HS6ST3: variants seen among roughly 807,000 people sequenced by gnomAD.
The protein encoded by HS6ST3 is heparan-sulfate 6-O-sulfotransferase 3.
A neutral mutation model predicts 36.7 loss-of-function variants in HS6ST3; 12 were observed. The observed-to-expected ratio is 0.33, with a 90% CI of 0.21 to 0.53. HS6ST3 has a LOEUF of 0.53. Ranked by LOEUF, HS6ST3 falls within the 20% of genes least tolerant of loss-of-function variation. HS6ST3 has a pLI of 0.95. For synonymous variants in HS6ST3, 240 were observed against 257.5 expected (o/e 0.93, Z 0.65); for missense variants, 584 against 640.9 (o/e 0.91, Z 0.96).
chr13:96,328,966 C>A (rs1323750957), intron 1 of HS6ST3, among the ~76,000 whole-genome samples: 4 of 150,310 alleles, frequency 2.7e-5, no homozygotes, highest in African/African-American at 9.8e-5. Context: ...AGTTTATTTG[C>A]GTAGAGGTGT....
At chr13:96,233,838 G>A (rs1472246509) in intron 1 of HS6ST3, among the ~76,000 whole-genome samples, 1 of 151,980 alleles carries the variant, frequency 6.6e-6, no homozygotes, top group East Asian at 1.9e-4. Context: ...TTTATAGAAG[G>A]AATTTAAATA....
intron 1 of HS6ST3, among the ~76,000 whole-genome samples, chr13:96,244,264 A>G (rs537812727): frequency 3.6e-4 from 55 of 152,322 alleles, no homozygotes; most frequent in Admixed American, 7.2e-4. Context: ...AACTGAGATT[A>G]GATAATCTCA....
rs143157705 is a variant in HS6ST3 at position 96,433,769 on chromosome 13, T to A, written c.707+342200T>A. The stretch of plus-strand genomic sequence containing the variant: ...GGCCAACATGGTGAAACCCCATCTT[T>A]ACTAAAAATACAAAAATTAGCCAGG... On this transcript the variant is annotated intron_variant, in intron 1 of 1. Coordinates refer to ENST00000376705, the MANE Select transcript of HS6ST3 (RefSeq NM_153456.4). 4.5e-4 allele frequency among the ~76,000 whole-genome samples: 68 copies of A among 152,162 alleles called. 1 individual carries two copies. The East Asian group carries it at 0.012, about 26-fold the overall frequency.
intron 1 of HS6ST3, among the ~76,000 whole-genome samples, chr13:96,112,588 T>TATATAC (rs1566884919): frequency 1.4e-4 from 8 of 55,630 alleles, no homozygotes; most frequent in African/African-American, 4.8e-4. Context: ...AATATATATA[T>TATATAC]ATATATATAT....
intron 1 of HS6ST3, among the ~76,000 whole-genome samples, chr13:96,706,413 T>TTTTATATATATATATATA (rs5805987): frequency 1.7e-5 from 2 of 121,028 alleles, no homozygotes; most frequent in African/African-American, 7.1e-5. Flanking sequence ...AGAATATATT[T>TTTTATATATATATATATA]TATATATATA....
intron 1 of HS6ST3, among the ~76,000 whole-genome samples, chr13:96,689,972 C>T (rs970171877): frequency 2.0e-5 from 3 of 152,032 alleles, no homozygotes; most frequent in Non-Finnish European, 4.4e-5. Flanking sequence ...GAAGGCACTA[C>T]GTGTCCTTTA....
intron 1 of HS6ST3, among the ~76,000 whole-genome samples, chr13:96,268,460 A>G (rs1208004015): frequency 6.6e-6 from 1 of 151,830 alleles, no homozygotes; most frequent in Non-Finnish European, 1.5e-5. Context: ...GGAGGTAATC[A>G]ACCCCCATCA....
chr13:96,742,995 G>A (rs1192886222), intron 1 of HS6ST3, among the ~76,000 whole-genome samples: 5 of 152,186 alleles, frequency 3.3e-5, no homozygotes, highest in African/African-American at 9.6e-5. Context: ...CTCTGGAAGA[G>A]GAGAGTGTCC....
chr13:96,536,337 T>A (rs1235140983), intron 1 of HS6ST3, among the ~76,000 whole-genome samples: 1 of 152,230 alleles, frequency 6.6e-6, no homozygotes, highest in Admixed American at 6.5e-5. Flanking sequence ...ACTAATTATA[T>A]TTATTTGATA....
chr13:96,769,795 T>C (rs1029138027), intron 1 of HS6ST3, among the ~76,000 whole-genome samples: 3 of 151,274 alleles, frequency 2.0e-5, no homozygotes, highest in Admixed American at 2.0e-4. Flanking sequence ...TATTCTAGTT[T>C]TGCTATGAGG....
intron 1 of HS6ST3, among the ~76,000 whole-genome samples, chr13:96,630,515 C>T (rs1217193105): frequency 1.3e-5 from 2 of 152,176 alleles, no homozygotes; most frequent in African/African-American, 2.4e-5. Flanking sequence ...CCTCACTCGC[C>T]TTTCCTGCAG....
chr13:96,439,995 C>G (rs995856631), intron 1 of HS6ST3, among the ~76,000 whole-genome samples: 1 of 152,148 alleles, frequency 6.6e-6, no homozygotes, highest in Non-Finnish European at 1.5e-5. Context: ...TTCTAAAAGG[C>G]CTGGGGCTTA....
At chr13:96,350,238 C>A (rs548989125) in intron 1 of HS6ST3, among the ~76,000 whole-genome samples, 1 of 152,338 alleles carries the variant, frequency 6.6e-6, no homozygotes, top group African/African-American at 2.4e-5. Flanking sequence ...TCATCATGCT[C>A]ACAACAGATG....
At chr13:96,555,450 A>C (rs575386826) in intron 1 of HS6ST3, among the ~76,000 whole-genome samples, 1 of 152,174 alleles carries the variant, frequency 6.6e-6, no homozygotes, top group Non-Finnish European at 1.5e-5. Context: ...CAAGTTAAAT[A>C]TGATATTTTT....
intron 1 of HS6ST3, among the ~76,000 whole-genome samples, chr13:96,829,937 A>G (rs923465302): frequency 6.6e-6 from 1 of 152,306 alleles, no homozygotes; most frequent in South Asian, 2.1e-4. Flanking sequence ...TGATTTAAAT[A>G]TACAGGAAGT....
At chr13:96,585,296 C>A (rs2056356744) in intron 1 of HS6ST3, among the ~76,000 whole-genome samples, 1 of 151,960 alleles carries the variant, frequency 6.6e-6, no homozygotes, top group Non-Finnish European at 1.5e-5. Context: ...GTCTGTCATA[C>A]CTGCTACGAA....
chr13:96,713,732 T>C (rs1875625596), intron 1 of HS6ST3, among the ~76,000 whole-genome samples: 1 of 152,108 alleles, frequency 6.6e-6, no homozygotes. Flanking sequence ...AAAAGAGAAA[T>C]AAGTTCTTTA....
At chr13:96,609,119 G>A (rs1407327203) in intron 1 of HS6ST3, among the ~76,000 whole-genome samples, 1 of 141,126 alleles carries the variant, frequency 7.1e-6, no homozygotes, top group East Asian at 1.9e-4. Context: ...ATAGGCGCCC[G>A]CCACCACGCC....
At chr13:96,373,760 A>C (rs565897015) in intron 1 of HS6ST3, among the ~76,000 whole-genome samples, 2 of 152,272 alleles carry the variant, frequency 1.3e-5, no homozygotes, top group East Asian at 3.9e-4. Context: ...CATCAATTTG[A>C]TTGAAATAAG....
Sources: gnomAD v4.1 joint callset for allele counts (sites outside exome capture counted in the v4.1 genomes callset) on GRCh38, gnomAD v4.1.1 for gene constraint, MANE v1.5 for transcripts, NCBI Gene and HGNC (gene_info 2026-07-23, HGNC 2026-07-21) for gene names.